Variants in SEMA3A observed in about 807,000 individuals in gnomAD.
The protein encoded by SEMA3A is semaphorin-3A.
In SEMA3A, 29 loss-of-function variants were observed where a neutral mutation model predicts 97.9. The ratio of observed to expected loss-of-function variants is 0.30; its 90% CI spans 0.22 to 0.40. SEMA3A has a LOEUF of 0.40. Ranked by LOEUF, SEMA3A falls within the 10% of genes least tolerant of loss-of-function variation. SEMA3A has a pLI of 1.00. For missense variants in SEMA3A, 763 were observed against 951.3 expected (o/e 0.80, Z 2.60); for synonymous variants, 321 against 323.7 (o/e 0.99, Z 0.09).
At chr7:84,471,507 C>T (rs1375828714) in intron 1 of SEMA3A, among the ~76,000 whole-genome samples, 1 of 151,968 alleles carries the variant, frequency 6.6e-6, no homozygotes, top group African/African-American at 2.4e-5. Flanking sequence ...TAACTAAACA[C>T]GTCTATGCGG....
intron 1 of SEMA3A, among the ~76,000 whole-genome samples, chr7:84,474,417 T>C (rs1305884622): frequency 2.0e-5 from 3 of 152,166 alleles, no homozygotes; most frequent in Non-Finnish European, 2.9e-5. Flanking sequence ...TTCCCTCCTT[T>C]GACAGTATGT....
intron 6 of SEMA3A, among the ~76,000 whole-genome samples, chr7:84,037,523 T>C (rs1464049392): frequency 6.6e-6 from 1 of 152,082 alleles, no homozygotes; most frequent in Admixed American, 6.6e-5. Flanking sequence ...AGATTATTAT[T>C]TGGATTTAAA....
intron 3 of SEMA3A, among the ~76,000 whole-genome samples, chr7:84,211,800 T>C (rs1798634398): frequency 2.0e-5 from 3 of 152,084 alleles, no homozygotes; most frequent in Admixed American, 2.0e-4. Flanking sequence ...CCATAAGCAT[T>C]TGGGAATTCA....
At chr7:84,277,280 G>A (rs1800325780) in intron 3 of SEMA3A, among the ~76,000 whole-genome samples, 1 of 151,986 alleles carries the variant, frequency 6.6e-6, no homozygotes, top group Non-Finnish European at 1.5e-5. Flanking sequence ...GGGAGTATTG[G>A]TATGAAATCA....
At chr7:84,443,254 A>G (rs1482038296) in intron 1 of SEMA3A, among the ~76,000 whole-genome samples, 1 of 152,218 alleles carries the variant, frequency 6.6e-6, no homozygotes, top group Non-Finnish European at 1.5e-5. Flanking sequence ...ATATTTTAAA[A>G]GATAGATCAC....
intron 1 of SEMA3A, among the ~76,000 whole-genome samples, chr7:84,372,570 T>G (rs909216185): frequency 5.9e-5 from 9 of 152,000 alleles, no homozygotes; most frequent in Non-Finnish European, 1.2e-4. Flanking sequence ...AGAGTTTTAG[T>G]GCTGAAAACT....
chr7:84,102,052 A>C (rs897986454), intron 4 of SEMA3A, among the ~76,000 whole-genome samples: 10 of 152,122 alleles, frequency 6.6e-5, no homozygotes, highest in African/African-American at 2.4e-4. Flanking sequence ...TAAATTACAT[A>C]TGCAGCTAGC....
chr7:84,168,105 A>C (rs1298120131), intron 1 of SEMA3A, among the ~76,000 whole-genome samples: 1 of 152,102 alleles, frequency 6.6e-6, no homozygotes, highest in Non-Finnish European at 1.5e-5. Flanking sequence ...AAGGTCAAAG[A>C]TAATTTATAC....
At chr7:84,232,328 T>C (rs1799134634) in intron 3 of SEMA3A, among the ~76,000 whole-genome samples, 2 of 149,686 alleles carry the variant, frequency 1.3e-5, no homozygotes, top group South Asian at 4.2e-4. Context: ...ATTTTGAAAA[T>C]ATATAAGGAA....
chr7:84,054,866 G>A (rs556169564), intron 5 of SEMA3A, among the ~76,000 whole-genome samples: 1 of 150,650 alleles, frequency 6.6e-6, no homozygotes, highest in Non-Finnish European at 1.5e-5. Context: ...TGATGGTGAT[G>A]CACAGATGGG....
rs1426948672 is a variant in SEMA3A at position 84,066,293 on chromosome 7, G to A, written c.454-5735C>T. Among the ~76,000 whole-genome samples, 4 of 152,132 alleles carry A rather than the reference G, an allele frequency of 2.6e-5. No individual in the cohort carries two copies. In the East Asian group the frequency reaches 5.8e-4, roughly 22 times the overall value. ...TTTCAAAATAATAAGAGCTATCTAT[G>A]ACAAACCCACATCCAATATCATACT... is the stretch of plus-strand genomic sequence containing the variant. On this transcript the variant is annotated intron_variant, in intron 4 of 16. Transcript: ENST00000265362.
At chr7:84,411,065 G>A (rs1375806834) in intron 1 of SEMA3A, among the ~76,000 whole-genome samples, 1 of 152,082 alleles carries the variant, frequency 6.6e-6, no homozygotes, top group African/African-American at 2.4e-5. Context: ...TTGTCTGTGT[G>A]TTTGTGTATC....
intron 6 of SEMA3A, among the ~76,000 whole-genome samples, chr7:84,033,162 C>A (rs1165207127): frequency 6.6e-6 from 1 of 152,084 alleles, no homozygotes; most frequent in East Asian, 1.9e-4. Flanking sequence ...TTCATAATAA[C>A]CTCTTCTGAA....
At chr7:84,374,779 G>A (rs1305531577) in intron 1 of SEMA3A, among the ~76,000 whole-genome samples, 1 of 152,124 alleles carries the variant, frequency 6.6e-6, no homozygotes, top group Non-Finnish European at 1.5e-5. Context: ...TTGATGATAG[G>A]TATATTTGGT....
chr7:84,468,187 C>T (rs1806054075), intron 1 of SEMA3A, among the ~76,000 whole-genome samples: 1 of 152,160 alleles, frequency 6.6e-6, no homozygotes, highest in Non-Finnish European at 1.5e-5. Context: ...TAAATTGGAA[C>T]ACTCTCTTCC....
chr7:84,375,186 A>G (rs532722632), intron 1 of SEMA3A, among the ~76,000 whole-genome samples: 2 of 151,844 alleles, frequency 1.3e-5, no homozygotes, highest in East Asian at 1.9e-4. Context: ...CATCCAGCTG[A>G]TTTTTGTATT....
intron 1 of SEMA3A, among the ~76,000 whole-genome samples, chr7:84,459,128 C>T (rs1805760117): frequency 6.6e-6 from 1 of 152,034 alleles, no homozygotes; most frequent in South Asian, 2.1e-4. Flanking sequence ...CCCCTAAGGA[C>T]CCATTACTTT....
intron 15 of SEMA3A, among the ~76,000 whole-genome samples, chr7:83,969,685 G>A (rs966291819): frequency 1.6e-4 from 25 of 152,178 alleles, no homozygotes; most frequent in African/African-American, 5.8e-4. Context: ...TGAACTGCTG[G>A]AGGATGTAAG....
intron 4 of SEMA3A, among the ~76,000 whole-genome samples, chr7:84,095,358 C>CACACACATATAGATATATATATAT (rs1211794166): frequency 8.1e-6 from 1 of 122,904 alleles, no homozygotes; most frequent in African/African-American, 3.5e-5. Flanking sequence ...TTTTTATATA[C>CACACACATATAGATATATATATAT]ATATATATAT....
Sources: gnomAD v4.1 joint callset for allele counts (sites outside exome capture counted in the v4.1 genomes callset) on GRCh38, gnomAD v4.1.1 for gene constraint, MANE v1.5 for transcripts, NCBI Gene and HGNC (gene_info 2026-07-23, HGNC 2026-07-21) for gene names.